PCSK6: variants seen among roughly 807,000 people sequenced by gnomAD.
The protein encoded by PCSK6 is paired basic amino acid cleaving enzyme 4.
In PCSK6, 85 loss-of-function variants were observed where a neutral mutation model predicts 123.3. The ratio of observed to expected loss-of-function variants is 0.69; its 90% CI spans 0.58 to 0.83. The LOEUF (loss-of-function observed/expected upper bound fraction) is 0.83, where lower values mean the gene tolerates loss of function less well. Among genes scored for constraint, PCSK6 ranks in the 40% least tolerant of loss-of-function variants. PCSK6 has a pLI of 0.00. For missense variants in PCSK6, 1,191 were observed against 1,282.3 expected, an observed-to-expected ratio of 0.93 and a Z score of 1.09; for synonymous variants, 508 against 516.0, an observed-to-expected ratio of 0.98 and a Z score of 0.21.
intron 13 of PCSK6, chr15:101,347,862 G>A: frequency 1.9e-6 from 2 of 1,036,830 alleles, no homozygotes; most frequent in South Asian, 1.3e-5. Context: ...GTGGAGGGCA[G>A]CAGGAGGAAG....
chr15:101,374,348 G>A (rs1369154510), intron 11 of PCSK6, among the ~76,000 whole-genome samples: 1 of 152,038 alleles, frequency 6.6e-6, no homozygotes, highest in Non-Finnish European at 1.5e-5. Flanking sequence ...AAGTAACCGA[G>A]TGCCAGGGGA....
chr15:101,384,549 G>C, intron 9 of PCSK6, 124 bp from the exon 10 acceptor site: 1 of 625,538 alleles, frequency 1.6e-6, no homozygotes, highest in Non-Finnish European at 2.7e-6. Flanking sequence ...TCAGGCTAAG[G>C]ACTGCATTCC....
At chr15:101,384,219 T>A in intron 10 of PCSK6, 103 bp downstream of exon 10, 1 of 1,518,310 alleles carries the variant, frequency 6.6e-7, no homozygotes, top group Non-Finnish European at 8.9e-7. Flanking sequence ...CAATTAATAA[T>A]AACAACTAAT....
intron 13 of PCSK6, among the ~76,000 whole-genome samples, chr15:101,350,725 C>A (rs1393256626): frequency 6.6e-6 from 1 of 152,140 alleles, no homozygotes; most frequent in African/African-American, 2.4e-5. Context: ...TAAAGAGGAG[C>A]TGGGACGGGT....
Position 101,340,016 on chromosome 15 carries a change from CAAT to C in PCSK6, c.1859-7988_1859-7986del, listed in dbSNP as rs534076759. On this transcript the variant is annotated intron_variant, in intron 13 of 21. Transcript: ENST00000611716. ...ACAAACAGAAATATCAACCTTTACT[CAAT>C]AAACACATTATTAAAATACACTTTA... is the stretch of plus-strand genomic sequence containing the variant. 5.2e-3 allele frequency among the ~76,000 whole-genome samples: 792 copies of C among 152,026 alleles called. 7 individuals are homozygous for C. Among genetic ancestry groups the C allele is most frequent in the Middle Eastern group, 6.8e-3 (2 of 292 alleles).
chr15:101,383,906 A>AT (rs991037451), intron 10 of PCSK6, among the ~76,000 whole-genome samples: 8 of 150,492 alleles, frequency 5.3e-5, no homozygotes, highest in East Asian at 3.9e-4. Flanking sequence ...GGGGGAAGTA[A>AT]TTTTTTTTTT....
chr15:101,344,355 T>C (rs2040684941), intron 13 of PCSK6, among the ~76,000 whole-genome samples: 1 of 152,254 alleles, frequency 6.6e-6, no homozygotes, highest in African/African-American at 2.4e-5. Context: ...GTGGAACTTT[T>C]AGAACTGAAC....
In PCSK6 at chr15:101,443,716, A is replaced by T. The variant is rs184978733; in HGVS notation, c.298-56T>A. The stretch of plus-strand genomic sequence containing the variant: ...TAATAGTCTCACGAACAGCTTCCAA[A>T]ATCTTCCACCCCACAAGAATCTCCC... On this transcript the variant is annotated intron_variant, in intron 1 of 21. Transcript: ENST00000611716. The T allele has an allele frequency of 4.0e-5, 51 of 1,265,510 alleles. No individual in the cohort carries two copies. The East Asian group carries it at 1.2e-3, about 29-fold the overall frequency. 78.4% of individuals were successfully genotyped at this position (1,265,510 alleles called of 1,614,324 possible).
chr15:101,370,783 C>T (rs2041561020), intron 11 of PCSK6, among the ~76,000 whole-genome samples: 1 of 152,256 alleles, frequency 6.6e-6, no homozygotes, highest in South Asian at 2.1e-4. Context: ...GTGGCTCACG[C>T]CTCTGATCCC....
intron 11 of PCSK6, among the ~76,000 whole-genome samples, chr15:101,377,215 C>T (rs3784494): frequency 0.77 from 116,489 of 152,074 alleles, 46,951 homozygotes; most frequent in South Asian, 0.91. Flanking sequence ...GGCACTGGCA[C>T]CTGGCCAAGG....
At position 101,384,444 on chromosome 15, in the gene PCSK6, C is replaced by A. The variant is rs966046608; in HGVS notation, c.1311-19G>T. On this transcript the variant is annotated intron_variant, in intron 9 of 21. Coordinates refer to ENST00000611716, the MANE Select transcript of PCSK6 (RefSeq NM_002570.5). ...CTGGCTGCTGCAATGACACAACACA[C>A]CCTAGAGTCCACACAGCTCAACAAC... 2 of 1,604,456 alleles carry A rather than the reference C, an allele frequency of 1.2e-6. No homozygotes were observed. The highest frequency in any genetic ancestry group is 1.7e-6 in the Non-Finnish European group (2 of 1,172,458).
At chr15:101,480,147 T>C (rs2141261552) in intron 1 of PCSK6, among the ~76,000 whole-genome samples, 1 of 152,340 alleles carries the variant, frequency 6.6e-6, no homozygotes, top group South Asian at 2.1e-4. Flanking sequence ...GCTTCGGTAG[T>C]CTGCTCCATT....
At chr15:101,435,694 T>C (rs1291038689) in intron 2 of PCSK6, among the ~76,000 whole-genome samples, 2 of 152,228 alleles carry the variant, frequency 1.3e-5, no homozygotes, top group African/African-American at 4.8e-5. Context: ...AACACTTTCT[T>C]TTGTAGTGTG....
chr15:101,416,486 G>A (rs953764136), intron 6 of PCSK6, among the ~76,000 whole-genome samples: 6 of 152,214 alleles, frequency 3.9e-5, no homozygotes, highest in African/African-American at 1.2e-4. Context: ...ATTTTCTGAG[G>A]AGAAATTCAA....
At chr15:101,441,973 G>A (rs985007902) in intron 2 of PCSK6, among the ~76,000 whole-genome samples, 6 of 152,108 alleles carry the variant, frequency 3.9e-5, no homozygotes, top group Non-Finnish European at 5.9e-5. Context: ...CGCCTCCTCC[G>A]GGATCAGCCT....
intron 1 of PCSK6, among the ~76,000 whole-genome samples, chr15:101,480,556 G>A (rs1265462101): frequency 6.6e-6 from 1 of 152,244 alleles, no homozygotes; most frequent in African/African-American, 2.4e-5. Flanking sequence ...CTTCCTTGCA[G>A]GACTAGACAG....
chr15:101,314,585 G>C (rs755743206), intron 19 of PCSK6, among the ~76,000 whole-genome samples: 4 of 152,196 alleles, frequency 2.6e-5, no homozygotes, highest in Non-Finnish European at 4.4e-5. Flanking sequence ...CCGGAGCCTG[G>C]AGGGCTCAAG....
chr15:101,461,269 T>C (rs1204188459), intron 1 of PCSK6, among the ~76,000 whole-genome samples: 1 of 152,114 alleles, frequency 6.6e-6, no homozygotes, highest in Non-Finnish European at 1.5e-5. Context: ...ACAGACCACA[T>C]TAAAAAATTC....
At position 101,395,106 on chromosome 15, in the gene PCSK6, G is replaced by C. The variant is rs138424887; in HGVS notation, c.997-1682C>G. Reference sequence around the variant, plus strand: ...CCCATCAGAGCCTGTCCTTATTCCAGGTGAGAATTAGTCCTAGACACTGCC... The same window carrying C: ...CCCATCAGAGCCTGTCCTTATTCCACGTGAGAATTAGTCCTAGACACTGCC... On this transcript the variant is annotated intron_variant, in intron 7 of 21. Transcript: ENST00000611716. Among the ~76,000 whole-genome samples the C allele has an allele frequency of 3.3e-3, 497 of 152,290 alleles. 1 individual carries two copies. Among genetic ancestry groups the C allele is most frequent in the Middle Eastern group, 0.02 (6 of 294 alleles).
Sources: allele counts gnomAD v4.1 joint callset (sites outside exome capture counted in the v4.1 genomes callset), GRCh38; gene constraint gnomAD v4.1.1; transcripts MANE v1.5; gene names NCBI Gene and HGNC (gene_info 2026-07-23, HGNC 2026-07-21).